The following FRMPD1 variants were observed in gnomAD, a reference collection of about 807,000 sequenced individuals.
FRMPD1 encodes FERM and PDZ domain-containing protein 1.
In FRMPD1, 76 loss-of-function variants were observed where a neutral mutation model predicts 117.8. The ratio of observed to expected loss-of-function variants is 0.65; its 90% CI spans 0.54 to 0.78. FRMPD1 has a LOEUF of 0.78. Ranked by LOEUF, FRMPD1 falls within the 30% of genes least tolerant of loss-of-function variation. FRMPD1 has a pLI of 0.00. For synonymous variants in FRMPD1, 783 were observed against 770.4 expected (o/e 1.02, Z -0.27); for missense variants, 1,786 against 1,964.5 (o/e 0.91, Z 1.72).
intron 13 of FRMPD1, among the ~76,000 whole-genome samples, chr9:37,736,214 G>A (rs919833265): frequency 4.0e-5 from 6 of 151,830 alleles, no homozygotes; most frequent in Admixed American, 3.3e-4. Flanking sequence ...TGTTAGCCAG[G>A]ATGGTCTCGA....
At chr9:37,644,267 C>G in the FRMPD1 span, among the ~76,000 whole-genome samples, 1 of 147,748 alleles carries the variant, frequency 6.8e-6, no homozygotes, top group East Asian at 2.0e-4. Context: ...AGAGGTCCTG[C>G]TTAGTTGGGG....
intron 1 of FRMPD1, among the ~76,000 whole-genome samples, chr9:37,663,413 T>C (rs1355125724): frequency 6.6e-6 from 1 of 152,140 alleles, no homozygotes; most frequent in African/African-American, 2.4e-5. Context: ...GAACTCAGCA[T>C]GGGAATTAGG....
chr9:37,616,199 A>G, the FRMPD1 span, among the ~76,000 whole-genome samples: 1 of 148,446 alleles, frequency 6.7e-6, no homozygotes, highest in Non-Finnish European at 1.5e-5. Flanking sequence ...GCTCACTGCA[A>G]CCTCTGCCTC....
upstream of FRMPD1, among the ~76,000 whole-genome samples, chr9:37,649,815 C>T (rs186487738): frequency 6.6e-6 from 1 of 152,318 alleles, no homozygotes; most frequent in Non-Finnish European, 1.5e-5. Flanking sequence ...GAATTGGCCC[C>T]TGCTGACTCC....
chr9:37,612,519 T>C, the FRMPD1 span, among the ~76,000 whole-genome samples: 1 of 111,896 alleles, frequency 8.9e-6, no homozygotes, highest in Non-Finnish European at 2.0e-5. Flanking sequence ...CAGCTAATTT[T>C]TTTTTTTTTT....
At chr9:37,639,868 C>G in the FRMPD1 span, among the ~76,000 whole-genome samples, 1 of 152,056 alleles carries the variant, frequency 6.6e-6, no homozygotes, top group South Asian at 2.1e-4. Flanking sequence ...GCCATGTTAC[C>G]CAGGCTGGTC....
chr9:37,631,650 C>T, the FRMPD1 span, among the ~76,000 whole-genome samples: 2 of 152,208 alleles, frequency 1.3e-5, no homozygotes, highest in Non-Finnish European at 2.9e-5. Context: ...GTCACCCAGA[C>T]TACAGTGCAG....
At chr9:37,609,782 T>C in the FRMPD1 span, among the ~76,000 whole-genome samples, 1 of 152,178 alleles carries the variant, frequency 6.6e-6, no homozygotes, top group African/African-American at 2.4e-5. Context: ...GTGTCTTCTC[T>C]CACTGGCTGT....
chr9:37,635,623 G>T, the FRMPD1 span, among the ~76,000 whole-genome samples: 1 of 152,208 alleles, frequency 6.6e-6, no homozygotes, highest in Non-Finnish European at 1.5e-5. Context: ...AAGCTGGAGG[G>T]CAGGGCACAG....
chr9:37,656,694 CT>C (rs11313113), intron 1 of FRMPD1, among the ~76,000 whole-genome samples: 58,715 of 148,896 alleles, frequency 0.39, 13,096 homozygotes, highest in East Asian at 0.66. Context: ...AAATCTGAGA[CT>C]TTTTTTTTTT....
chr9:37,717,526 T>C (rs1178839523), intron 5 of FRMPD1, among the ~76,000 whole-genome samples: 2 of 151,634 alleles, frequency 1.3e-5, no homozygotes, highest in Non-Finnish European at 2.9e-5. Flanking sequence ...ACTAAAGGCA[T>C]GCACCACCAC....
chr9:37,671,108 A>G (rs1464822884), intron 1 of FRMPD1, among the ~76,000 whole-genome samples: 1 of 152,244 alleles, frequency 6.6e-6, no homozygotes, highest in African/African-American at 2.4e-5. Flanking sequence ...TGGTAATGCT[A>G]GATCACATAA....
intron 1 of FRMPD1, among the ~76,000 whole-genome samples, chr9:37,685,620 A>C (rs2381721): frequency 1 from 152,129 of 152,242 alleles, 76,008 homozygotes; most frequent in Middle Eastern, 1. Context: ...CCACTGCACT[A>C]CAGCCTAGGC....
chr9:37,612,993 T>G, the FRMPD1 span, among the ~76,000 whole-genome samples: 9 of 152,196 alleles, frequency 5.9e-5, no homozygotes, highest in Non-Finnish European at 1.2e-4. Context: ...AGAACTTTAA[T>G]GGCTAGAGCA....
intron 6 of FRMPD1, 145 bp downstream of exon 6, chr9:37,719,321 T>A (rs1823292408): frequency 1.6e-6 from 1 of 632,868 alleles, no homozygotes; most frequent in Non-Finnish European, 2.9e-6. Context: ...GCCCTCCCAG[T>A]CAGATGCCTG....
At chr9:37,721,753 AG>A (rs1823408322) in intron 6 of FRMPD1, among the ~76,000 whole-genome samples, 1 of 152,362 alleles carries the variant, frequency 6.6e-6, no homozygotes, top group Admixed American at 6.5e-5. Context: ...TCAATTGTCT[AG>A]GGCAGAGGAA....
chr9:37,622,869 A>G, the FRMPD1 span, among the ~76,000 whole-genome samples: 306 of 152,336 alleles, frequency 2.0e-3, 3 homozygotes, highest in Non-Finnish European at 1.9e-3. Flanking sequence ...TGCCCTTCAG[A>G]AACCTCTTCC....
the FRMPD1 span, among the ~76,000 whole-genome samples, chr9:37,644,496 C>T: frequency 1.3e-5 from 2 of 152,166 alleles, no homozygotes; most frequent in Non-Finnish European, 2.9e-5. Flanking sequence ...CTGTATGGCT[C>T]ACAATTTGGG....
At chr9:37,677,061 TGTAAA>T (rs1821555334) in intron 1 of FRMPD1, among the ~76,000 whole-genome samples, 1 of 152,188 alleles carries the variant, frequency 6.6e-6, no homozygotes, top group Non-Finnish European at 1.5e-5. Flanking sequence ...GCTGCAGACC[TGTAAA>T]GTAGAGTCTA....
Sources: allele counts gnomAD v4.1 joint callset (sites outside exome capture counted in the v4.1 genomes callset), GRCh38; gene constraint gnomAD v4.1.1; transcripts MANE v1.5; gene names NCBI Gene and HGNC (gene_info 2026-07-23, HGNC 2026-07-21).